The following GRIN2D variants were observed in gnomAD, a reference collection of about 807,000 sequenced individuals.
GRIN2D encodes the protein glutamate ionotropic receptor NMDA type subunit 2D.
Under a neutral mutation model 103.2 loss-of-function variants are expected in GRIN2D, and 37 were observed. That is an observed-to-expected ratio of 0.36 (90% CI 0.28 to 0.47). The LOEUF (loss-of-function observed/expected upper bound fraction) is 0.47. Ranked by LOEUF, GRIN2D falls within the 20% of genes least tolerant of loss-of-function variation. The probability of loss-of-function intolerance (pLI) is 1.00; values close to 1 mark genes in which losing one functional copy is unlikely to be tolerated. For synonymous variants in GRIN2D, 845 were observed against 885.6 expected (o/e 0.95, Z 0.81); for missense variants, 1,557 against 1,910.6 (o/e 0.81, Z 3.45).
intron 2 of GRIN2D, among the ~76,000 whole-genome samples, chr19:48,396,396 G>T (rs1970640584): frequency 6.6e-6 from 1 of 152,106 alleles, no homozygotes; most frequent in Admixed American, 6.5e-5. Flanking sequence ...CCTCAGTAGG[G>T]AGTGGGACGC....
chr19:48,417,645 C>T (rs1300916543), intron 8 of GRIN2D, among the ~76,000 whole-genome samples: 1 of 152,196 alleles, frequency 6.6e-6, no homozygotes, highest in African/African-American at 2.4e-5. Context: ...CACTGAGAAG[C>T]ACCACGTGGG....
rs761357389 is a variant in GRIN2D, at chr19:48,441,960, C to A, written c.2440+4C>A. 6 of 1,599,292 alleles carry A rather than the reference C, an allele frequency of 3.8e-6. No individual in the cohort carries two copies. Among genetic ancestry groups the A allele is most frequent in the Non-Finnish European group, 5.1e-6 (6 of 1,174,024 alleles). On this transcript the variant is annotated splice_donor_region_variant and intron_variant, in intron 12 of 13. Transcript: ENST00000263269. ...TTGCTGCAGTTCCTGGGGGATGGTG[C>A]GGCTGCACACAGGGATTTCCACAGC...
At chr19:48,426,371 G>A (rs1366964518) in intron 11 of GRIN2D, among the ~76,000 whole-genome samples, 1 of 150,136 alleles carries the variant, frequency 6.7e-6, no homozygotes, top group Non-Finnish European at 1.5e-5. Context: ...AATTACAGGC[G>A]CCTGCCACCA....
rs1971336007 is a variant in GRIN2D, at chr19:48,443,558, C to T, written c.3632C>T (p.Pro1211Leu). 1.6e-6 allele frequency: 2 copies of T among 1,265,180 alleles called. No homozygotes were observed. Among genetic ancestry groups the T allele is most frequent in the Non-Finnish European group, 9.9e-7 (1 of 1,006,332 alleles). The allele number at this position is 1,265,180 out of a possible 1,614,324, so 78.4% of individuals were successfully genotyped here. A position where few individuals can be genotyped will look rare whatever the true frequency, so the allele number is the denominator to read the frequency against. The change falls in exon 14 of 14, where the codon CCT becomes CTT. Residue 1211 changes from proline (P) to leucine (L), a missense_variant. This residue lies in a region of GRIN2D where 632 missense variants were observed against 572.8 expected (regional missense o/e 1.10). Transcript: ENST00000263269. The surrounding 1 kb of genome is among the most constrained non-coding windows in gnomAD (Gnocchi z 8.9). The stretch of plus-strand genomic sequence containing the variant: ...GACGGCGGCTGGTGGGCGCCACCGC[C>T]TCCACCCTGGGCCGCCGGGCCCCTG... The part of the protein sequence containing the change: ...GLDGGWWAPP[P>L]PPWAAGPLPR...
rs574974202 is a variant in GRIN2D at position 48,443,979 on chromosome 19, C to T, written c.*42C>T. On this transcript the variant is annotated 3_prime_UTR_variant, in exon 14 of 14. Coordinates refer to ENST00000263269, the MANE Select transcript of GRIN2D (RefSeq NM_000836.4). This position sits in a 1 kb window ranked among gnomAD's most constrained non-coding sequence, Gnocchi z 8.9. ...CCACCGCCCCCTTGGTCAGCGCAGG[C>T]CACGGCCCGAGGGGGCGCCCGCAGT... is the stretch of plus-strand genomic sequence containing the variant. The T allele has an allele frequency of 1.7e-5, 22 of 1,297,628 alleles. No individual in the cohort carries two copies. In the South Asian group the frequency reaches 3.6e-4, roughly 21 times the overall value. The allele number at this position is 1,297,628 out of a possible 1,614,324, so 80.4% of individuals were successfully genotyped here.
In GRIN2D at chr19:48,416,013, G is replaced by A; in HGVS notation, c.1593G>A (p.Gln531=). 6.2e-7 allele frequency: 1 copy of A among 1,613,642 alleles called. No homozygotes were observed. Among genetic ancestry groups the A allele is most frequent in the Non-Finnish European group, 8.5e-7 (1 of 1,179,884 alleles). The part of the protein sequence containing the change: ...WNGMIGEVFY[Q]RADMAIGSLT... ...CGCCCCCACCCCAGGTGTTCTACCAGCGCGCAGACATGGCCATCGGCTCCC... is the reference window on the plus strand; with the variant it reads ...CGCCCCCACCCCAGGTGTTCTACCAACGCGCAGACATGGCCATCGGCTCCC... The change falls in exon 8 of 14, where the codon CAG becomes CAA. Residue 531 remains glutamine (Q), a synonymous_variant. Coordinates refer to ENST00000263269, the MANE Select transcript of GRIN2D (RefSeq NM_000836.4).
intron 11 of GRIN2D, among the ~76,000 whole-genome samples, chr19:48,430,595 G>C (rs938671511): frequency 6.6e-6 from 1 of 152,160 alleles, no homozygotes; most frequent in Non-Finnish European, 1.5e-5. Context: ...GATTACAGGT[G>C]TGAGCCACCA....
Position 48,404,758 on chromosome 19 carries a change from C to T in GRIN2D, c.490C>T (p.Leu164=). 1 of 1,609,180 alleles carries T rather than the reference C, an allele frequency of 6.2e-7. No homozygotes were observed. The change falls in exon 4 of 14, where the codon CTG becomes TTG. Residue 164 remains leucine (L), a synonymous_variant. Coordinates refer to ENST00000263269, the MANE Select transcript of GRIN2D (RefSeq NM_000836.4). ...PKEKGSTFLQ[L]GSSTEQQLQV... ...GGAGAAGGGCTCCACCTTCCTGCAGCTGGGCTCTTCCACCGAGCAACAGCT... is the reference window on the plus strand; with the variant it reads ...GGAGAAGGGCTCCACCTTCCTGCAGTTGGGCTCTTCCACCGAGCAACAGCT...
chr19:48,424,825 T>C (rs906421073), intron 11 of GRIN2D, among the ~76,000 whole-genome samples: 18 of 152,126 alleles, frequency 1.2e-4, no homozygotes, highest in Admixed American at 7.2e-4. Flanking sequence ...AAAAGTTTCC[T>C]AGTCAACATA....
chr19:48,397,431 G>C (rs1285128531), intron 2 of GRIN2D, among the ~76,000 whole-genome samples: 1 of 151,878 alleles, frequency 6.6e-6, no homozygotes, highest in South Asian at 2.1e-4. Context: ...TGGGGGTCCC[G>C]ATCTTGGCCT....
chr19:48,402,918 G>A (rs185938971), intron 3 of GRIN2D, among the ~76,000 whole-genome samples: 1 of 151,890 alleles, frequency 6.6e-6, no homozygotes, highest in African/African-American at 2.4e-5. Context: ...GAGGATAGGG[G>A]CCAGGCATGG....
In GRIN2D at chr19:48,414,945, C is replaced by A. The variant is rs1172154364; in HGVS notation, c.1494C>A (p.Thr498=). Residue 498 remains threonine (T), a synonymous_variant, in exon 7 of 14, where the codon ACC becomes ACA. Transcript: ENST00000263269. This position sits in a 1 kb window ranked among gnomAD's most constrained non-coding sequence, Gnocchi z 4.6. ...ACATTCTGAAGCGGCTGGCGCATAC[C>A]ATCGGCTTCAGCTACGACCTCTACC... The part of the protein sequence containing the change: ...CIDILKRLAH[T]IGFSYDLYLV... The A allele has an allele frequency of 6.2e-7, 1 of 1,613,898 alleles. No homozygotes were observed. The highest frequency in any genetic ancestry group is 1.3e-5 in the African/African-American group (1 of 74,914).
chr19:48,405,119 G>A lies in GRIN2D; in HGVS notation c.851G>A (p.Gly284Asp), dbSNP rs971881000. ...MVGPQLAGGG[G>D]SGAPGEPPLL... The stretch of plus-strand genomic sequence containing the variant: ...GGGCCCCAGCTGGCTGGAGGCGGGG[G>A]CTCTGGGGCCCCTGGTGAGCCCCCT... Residue 284 changes from glycine (G) to aspartate (D), a missense_variant, in exon 4 of 14, where the codon GGC (glycine) becomes GAC (aspartate). By Grantham distance (94) the Gly-to-Asp change is moderately conservative. This residue lies in a region of GRIN2D where 490 missense variants were observed against 601.1 expected (regional missense o/e 0.82). Coordinates refer to ENST00000263269, the MANE Select transcript of GRIN2D (RefSeq NM_000836.4). This position sits in a 1 kb window ranked among gnomAD's most constrained non-coding sequence, Gnocchi z 5.1. 5.7e-6 allele frequency: 9 copies of A among 1,583,238 alleles called. No individual in the cohort carries two copies. The highest frequency in any genetic ancestry group is 1.1e-5 in the South Asian group (1 of 87,768).
At position 48,405,476 on chromosome 19, in the gene GRIN2D, T is replaced by C; in HGVS notation, c.1085+123T>C. The C allele has an allele frequency of 9.6e-7, 1 of 1,042,024 alleles. No homozygotes were observed. The highest frequency in any genetic ancestry group is 1.3e-6 in the Non-Finnish European group (1 of 758,524). The allele number at this position is 1,042,024 out of a possible 1,614,324, so 64.5% of individuals were successfully genotyped here. On this transcript the variant is annotated intron_variant, in intron 4 of 13. Transcript: ENST00000263269. This position sits in a 1 kb window ranked among gnomAD's most constrained non-coding sequence, Gnocchi z 5.1. ...CTTTGAGCCTCAGTTTTCTTTTCTG[T>C]AAAGTGGGTGCAATTGGGTCTCTTT... is the stretch of plus-strand genomic sequence containing the variant.
chr19:48,413,837 G>C (rs1456163288), intron 4 of GRIN2D, among the ~76,000 whole-genome samples, 154 bp from the exon 5 acceptor site: 1 of 152,130 alleles, frequency 6.6e-6, no homozygotes, highest in Non-Finnish European at 1.5e-5. Flanking sequence ...GAGCAGGGAA[G>C]GGGTATATTC....
chr19:48,399,087 GAA>G (rs1220128586), intron 3 of GRIN2D, among the ~76,000 whole-genome samples: 1 of 152,228 alleles, frequency 6.6e-6, no homozygotes, highest in East Asian at 1.9e-4. Flanking sequence ...TTTAGGGTCA[GAA>G]AGAGGCCAGT....
In GRIN2D at chr19:48,442,617, C is replaced by G. The variant is rs1360522686; in HGVS notation, c.2691C>G (p.Cys897Trp). 3 of 1,509,750 alleles carry G rather than the reference C, an allele frequency of 2.0e-6. No homozygotes were observed. The highest frequency in any genetic ancestry group is 1.8e-6 in the Non-Finnish European group (2 of 1,132,890). The allele number at this position is 1,509,750 out of a possible 1,614,324, so 93.5% of individuals were successfully genotyped here. A position where few individuals can be genotyped will look rare whatever the true frequency, so the allele number is the denominator to read the frequency against. ...ACCCGCAGGGCATGTACAGCTGCTG[C>G]AGCGCTGAGGCCGCCCCACCGCCCG... is the stretch of plus-strand genomic sequence containing the variant. ...LAFSRGMYSC[C>W]SAEAAPPPAK... is the part of the protein sequence containing the mutation. Residue 897 changes from cysteine to tryptophan, a missense_variant, in exon 14 of 14, where the codon TGC (cysteine) becomes TGG (tryptophan). By Grantham distance (215) the Cys-to-Trp change is radical. Transcript: ENST00000263269. This position sits in a 1 kb window ranked among gnomAD's most constrained non-coding sequence, Gnocchi z 7.2.
At chr19:48,413,217 G>T (rs113141148) in intron 4 of GRIN2D, among the ~76,000 whole-genome samples, 6,450 of 142,746 alleles carry the variant, frequency 0.045, 304 homozygotes, top group Middle Eastern at 0.12. Context: ...GCTCATGCCT[G>T]TAATCCCAAC....
chr19:48,434,307 G>A (rs973620816), intron 11 of GRIN2D, among the ~76,000 whole-genome samples: 2 of 151,946 alleles, frequency 1.3e-5, no homozygotes, highest in African/African-American at 4.8e-5. Flanking sequence ...AGGCTGGAGT[G>A]CAGTGGTGTG....
Sources: allele counts gnomAD v4.1 joint callset (sites outside exome capture counted in the v4.1 genomes callset), GRCh38; gene constraint gnomAD v4.1.1; regional missense constraint gnomAD v4.1.1; non-coding constraint Gnocchi (gnomAD v3.1); transcripts MANE v1.5; gene names NCBI Gene and HGNC (gene_info 2026-07-23, HGNC 2026-07-21).